The following NEK11 variants were observed in gnomAD, a reference collection of about 807,000 sequenced individuals.
NEK11 encodes the protein NIMA related kinase 11.
A neutral mutation model predicts 80.7 loss-of-function variants in NEK11; 72 were observed. That is an observed-to-expected ratio of 0.89 (90% CI 0.74 to 1.08). NEK11 has a LOEUF of 1.08. NEK11 is among the 50% of genes least tolerant of loss of function. The pLI is 0.00. For synonymous variants in NEK11, 251 were observed against 260.7 expected (o/e 0.96, Z 0.36); for missense variants, 764 against 763.6 (o/e 1.00, Z -0.01).
intron 16 of NEK11, among the ~76,000 whole-genome samples, chr3:131,245,444 T>C (rs2095585862): frequency 6.6e-6 from 1 of 152,108 alleles, no homozygotes; most frequent in Admixed American, 6.5e-5. Flanking sequence ...AATGATATAA[T>C]GATCTTTTCC....
chr3:131,033,162 C>T (rs1194632356), intron 3 of NEK11, among the ~76,000 whole-genome samples: 1 of 151,718 alleles, frequency 6.6e-6, no homozygotes, highest in South Asian at 2.1e-4. Flanking sequence ...ATGTTTAATG[C>T]ATATATGAGG....
intron 3 of NEK11, among the ~76,000 whole-genome samples, chr3:131,042,573 C>T (rs768752002): frequency 1.6e-4 from 24 of 152,208 alleles, no homozygotes; most frequent in Non-Finnish European, 3.1e-4. Flanking sequence ...TTCCTCCTCT[C>T]TGGCAGGGCA....
chr3:131,110,273 T>C (rs972914396), intron 5 of NEK11, among the ~76,000 whole-genome samples: 3 of 152,144 alleles, frequency 2.0e-5, no homozygotes, highest in African/African-American at 7.2e-5. Flanking sequence ...CAGGCTTGAG[T>C]TGTAAATACC....
chr3:131,274,632 CTTTTTTTTTTTTTTTTTTT>C (rs756861338), intron 17 of NEK11, among the ~76,000 whole-genome samples: 1 of 45,304 alleles, frequency 2.2e-5, no homozygotes, highest in East Asian at 8.1e-4. Context: ...TGTTTCCTGA[CTTTTTTTTTTTTTTTTTTT>C]TTTTTTTTTT....
At chr3:131,322,181 C>T (rs1459773595) in intron 17 of NEK11, among the ~76,000 whole-genome samples, 1 of 152,124 alleles carries the variant, frequency 6.6e-6, no homozygotes, top group Non-Finnish European at 1.5e-5. Flanking sequence ...GTAATCATGT[C>T]CTTTGCAGCA....
chr3:131,331,622 G>A (rs1273728314), intron 17 of NEK11, among the ~76,000 whole-genome samples: 1 of 152,228 alleles, frequency 6.6e-6, no homozygotes. Context: ...GACAGTGGGT[G>A]CAGCGCACCG....
chr3:131,346,823 G>A (rs1259677248), intron 17 of NEK11, among the ~76,000 whole-genome samples: 1 of 152,124 alleles, frequency 6.6e-6, no homozygotes, highest in East Asian at 1.9e-4. Flanking sequence ...CAATTTCAGA[G>A]GTCATGTAGT....
intron 17 of NEK11, among the ~76,000 whole-genome samples, chr3:131,293,659 T>G (rs1296028605): frequency 2.0e-5 from 3 of 152,134 alleles, no homozygotes; most frequent in African/African-American, 7.2e-5. Context: ...TGAAAGAGAT[T>G]GTAGGGAATT....
intron 15 of NEK11, among the ~76,000 whole-genome samples, chr3:131,234,750 G>C (rs1253023971): frequency 6.6e-6 from 1 of 151,396 alleles, no homozygotes; most frequent in Non-Finnish European, 1.5e-5. Context: ...CCTTGCTGTG[G>C]AATACAGCAC....
intron 14 of NEK11, among the ~76,000 whole-genome samples, chr3:131,224,234 CTT>C (rs112866610): frequency 6.8e-6 from 1 of 147,692 alleles, no homozygotes; most frequent in African/African-American, 2.5e-5. Flanking sequence ...ATTTACTATA[CTT>C]TTTTTTTTTG....
chr3:131,174,270 A>T (rs185783237), intron 14 of NEK11, among the ~76,000 whole-genome samples: 2 of 152,348 alleles, frequency 1.3e-5, no homozygotes, highest in Non-Finnish European at 2.9e-5. Context: ...GATCACAGAG[A>T]TTAATTGAAG....
intron 3 of NEK11, among the ~76,000 whole-genome samples, chr3:131,041,587 G>A (rs78650917): frequency 0.01 from 1,534 of 152,148 alleles, 20 homozygotes; most frequent in East Asian, 0.073. Flanking sequence ...TGTGTTTAAG[G>A]TGTGTATATG....
At chr3:131,158,998 G>C (rs2091156572) in intron 10 of NEK11, among the ~76,000 whole-genome samples, 1 of 152,224 alleles carries the variant, frequency 6.6e-6, no homozygotes, top group Admixed American at 6.5e-5. Flanking sequence ...CCCAGAGTTA[G>C]AGCACACAGC....
intron 10 of NEK11, 68 bp downstream of exon 10, chr3:131,155,189 T>C (rs1198921105): frequency 8.7e-6 from 9 of 1,032,228 alleles, no homozygotes; most frequent in African/African-American, 7.9e-5. Context: ...TCTTTAAAAA[T>C]CTATTAGCAC....
intron 5 of NEK11, among the ~76,000 whole-genome samples, chr3:131,126,220 A>G (rs2083302659): frequency 6.6e-6 from 1 of 152,088 alleles, no homozygotes; most frequent in Non-Finnish European, 1.5e-5. Flanking sequence ...TACCATTATT[A>G]TTGGTTTACA....
intron 5 of NEK11, among the ~76,000 whole-genome samples, chr3:131,122,625 A>C (rs1318494461): frequency 6.6e-6 from 1 of 152,186 alleles, no homozygotes; most frequent in Admixed American, 6.5e-5. Context: ...TTTGTGATCC[A>C]CCCTGAGAAC....
At chr3:131,137,412 G>A (rs944533408) in intron 7 of NEK11, among the ~76,000 whole-genome samples, 2 of 152,056 alleles carry the variant, frequency 1.3e-5, no homozygotes, top group Non-Finnish European at 2.9e-5. Context: ...ACTAAAATGA[G>A]GCCATCTAGT....
chr3:131,185,722 A>T (rs545015162), intron 14 of NEK11, among the ~76,000 whole-genome samples: 1 of 152,326 alleles, frequency 6.6e-6, no homozygotes, highest in African/African-American at 2.4e-5. Flanking sequence ...TTTTGATAAC[A>T]GTCTATAATT....
chr3:131,153,104 A>T (rs2674607), intron 9 of NEK11, among the ~76,000 whole-genome samples: 145,811 of 152,230 alleles, frequency 0.96, 69,884 homozygotes, highest in East Asian at 1. Context: ...ATAAATAAAA[A>T]TTTTTTAAAG....
Sources: gnomAD v4.1 joint callset for allele counts (sites outside exome capture counted in the v4.1 genomes callset) on GRCh38, gnomAD v4.1.1 for gene constraint, MANE v1.5 for transcripts, NCBI Gene and HGNC (gene_info 2026-07-23, HGNC 2026-07-21) for gene names.